The following SAMHD1 variants were observed in gnomAD, a reference collection of about 807,000 sequenced individuals.
SAMHD1 encodes SAM and HD domain containing deoxynucleoside triphosphate triphosphohydrolase 1.
SAMHD1 carries 54 observed loss-of-function variants against 79.6 expected under a neutral mutation model. The ratio of observed to expected loss-of-function variants is 0.68; its 90% CI spans 0.55 to 0.85. The LOEUF is 0.85. Among genes scored for constraint, SAMHD1 ranks in the 40% least tolerant of loss-of-function variants. The pLI is 0.00. For synonymous variants in SAMHD1, 260 were observed against 264.1 expected (o/e 0.98, Z 0.15); for missense variants, 663 against 782.7 (o/e 0.85, Z 1.82).
chr20:36,901,995 A>T (rs1159020321), intron 13 of SAMHD1, among the ~76,000 whole-genome samples: 1 of 152,208 alleles, frequency 6.6e-6, no homozygotes, highest in East Asian at 1.9e-4. Context: ...ATACAGTGAC[A>T]GATGGAGGAA....
At chr20:36,918,964 C>T (rs1293408832) in intron 7 of SAMHD1, among the ~76,000 whole-genome samples, 1 of 151,932 alleles carries the variant, frequency 6.6e-6, no homozygotes, top group Non-Finnish European at 1.5e-5. Context: ...GACAAAACCC[C>T]ATCTCTACAA....
chr20:36,932,343 C>T (rs1324471181), intron 4 of SAMHD1, among the ~76,000 whole-genome samples: 9 of 113,100 alleles, frequency 8.0e-5, no homozygotes, highest in Non-Finnish European at 1.6e-4. Context: ...AAGAGCGAAA[C>T]TCCGTCTCCA....
intron 8 of SAMHD1, 24 bp from the exon 9 acceptor site, chr20:36,916,854 G>A: frequency 6.2e-7 from 1 of 1,603,476 alleles, no homozygotes; most frequent in East Asian, 2.2e-5. Context: ...AAAACAGAGA[G>A]ATGAAATTTT....
At chr20:36,949,734 C>T (rs1187045747) in intron 1 of SAMHD1, among the ~76,000 whole-genome samples, 3 of 120,268 alleles carry the variant, frequency 2.5e-5, no homozygotes, top group Admixed American at 2.2e-4. Context: ...TCCAGCCTGG[C>T]GACAGAGCGA....
chr20:36,924,397 GAGAGAC>G lies in SAMHD1; in HGVS notation c.696+2779_696+2784del, dbSNP rs1482947790. ...AGAAAGAAAGTGAGAAAGAGAAAAA[GAGAGAC>G]AGAGACAGAAGGGAGAGAAAAGAAA... On this transcript the variant is annotated intron_variant, in intron 6 of 15. Transcript: ENST00000646673. Among the ~76,000 whole-genome samples the G allele has an allele frequency of 2.7e-5, 4 of 147,818 alleles. No individual in the cohort carries two copies. In the East Asian group the frequency reaches 5.8e-4, roughly 21 times the overall value.
At chr20:36,918,262 T>C (rs2063486644) in intron 7 of SAMHD1, among the ~76,000 whole-genome samples, 1 of 152,024 alleles carries the variant, frequency 6.6e-6, no homozygotes. Context: ...AATATGTTCA[T>C]TTTAATGGTT....
chr20:36,906,745 A>C (rs1163872400), intron 11 of SAMHD1, among the ~76,000 whole-genome samples: 1 of 151,474 alleles, frequency 6.6e-6, no homozygotes, highest in Non-Finnish European at 1.5e-5. Context: ...AAATTCAACA[A>C]TTGTTAATGT....
intron 2 of SAMHD1, among the ~76,000 whole-genome samples, chr20:36,945,452 T>C (rs1568784601): frequency 6.6e-6 from 1 of 152,164 alleles, no homozygotes; most frequent in Admixed American, 6.6e-5. Flanking sequence ...GGTGTAGCCT[T>C]GATTTTCTTA....
rs553109214 is a variant in SAMHD1, at chr20:36,941,593, G to C, written c.276-482C>G. Among the ~76,000 whole-genome samples, 40 of 152,216 alleles carry C rather than the reference G, an allele frequency of 2.6e-4. 1 individual carries two copies. Among genetic ancestry groups the C allele is most frequent in the African/African-American group, 9.6e-4 (40 of 41,546 alleles). ...CTCCAGTTTCAAGAAAATACATAAT[G>C]GGAATTAAATTTGAGCAGCTCGAAG... is the stretch of plus-strand genomic sequence containing the variant. On this transcript the variant is annotated intron_variant, in intron 2 of 15. Coordinates refer to ENST00000646673, the MANE Select transcript of SAMHD1 (RefSeq NM_015474.4).
At chr20:36,912,751 ATTTTTTTTT>A (rs66970329) in intron 9 of SAMHD1, among the ~76,000 whole-genome samples, 199 bp from the exon 10 acceptor site, 13 of 107,058 alleles carry the variant, frequency 1.2e-4, no homozygotes, top group African/African-American at 3.1e-4. Context: ...TGCAACTTTC[ATTTTTTTTT>A]TTTTTTTTTT....
chr20:36,934,324 G>A (rs1335786374), intron 4 of SAMHD1, among the ~76,000 whole-genome samples: 1 of 151,618 alleles, frequency 6.6e-6, no homozygotes, highest in Non-Finnish European at 1.5e-5. Context: ...AGGAGATCAA[G>A]ACCAGCCTGG....
chr20:36,907,070 G>A (rs1474001256), intron 11 of SAMHD1, among the ~76,000 whole-genome samples: 1 of 151,128 alleles, frequency 6.6e-6, no homozygotes, highest in Non-Finnish European at 1.5e-5. Context: ...GGGATTCCAG[G>A]TATGAGCCAC....
chr20:36,927,307 CT>C (rs1176350979), intron 5 of SAMHD1, 55 bp from the exon 6 acceptor site: 25 of 1,132,860 alleles, frequency 2.2e-5, no homozygotes, highest in Non-Finnish European at 2.8e-5. Flanking sequence ...CCAACAAAAA[CT>C]TTTTCCTTTT....
intron 6 of SAMHD1, among the ~76,000 whole-genome samples, chr20:36,921,869 A>T (rs2063507960): frequency 6.6e-6 from 1 of 152,084 alleles, no homozygotes; most frequent in South Asian, 2.1e-4. Flanking sequence ...TTATATTTTT[A>T]GTAGAGACAG....
chr20:36,935,000 G>T, intron 4 of SAMHD1, 29 bp downstream of exon 4: 1 of 1,609,730 alleles, frequency 6.2e-7, no homozygotes, highest in Non-Finnish European at 8.5e-7. Flanking sequence ...CTTAAAAACT[G>T]CAAGTTCCCC....
intron 2 of SAMHD1, among the ~76,000 whole-genome samples, chr20:36,942,113 A>G (rs1040613752): frequency 7.9e-5 from 12 of 152,300 alleles, no homozygotes; most frequent in Middle Eastern, 3.4e-3. Context: ...TTTGGTATTC[A>G]TCGCTTAAAA....
intron 6 of SAMHD1, among the ~76,000 whole-genome samples, chr20:36,920,430 C>A (rs996602621): frequency 7.9e-5 from 12 of 152,064 alleles, no homozygotes; most frequent in African/African-American, 2.2e-4. Flanking sequence ...CCCGCCCCCG[C>A]AGAAACAATT....
At chr20:36,928,670 G>A (rs1185162374) in intron 5 of SAMHD1, among the ~76,000 whole-genome samples, 1 of 151,316 alleles carries the variant, frequency 6.6e-6, no homozygotes, top group Non-Finnish European at 1.5e-5. Flanking sequence ...GGGCAACAGA[G>A]CGAGATTCTG....
intron 6 of SAMHD1, among the ~76,000 whole-genome samples, chr20:36,922,884 A>C (rs1200251156): frequency 6.6e-6 from 1 of 152,090 alleles, no homozygotes; most frequent in Non-Finnish European, 1.5e-5. Flanking sequence ...CCTGGGCTCA[A>C]GCGATCTGCC....
Sources: gnomAD v4.1 joint callset for allele counts (sites outside exome capture counted in the v4.1 genomes callset) on GRCh38, gnomAD v4.1.1 for gene constraint, MANE v1.5 for transcripts, NCBI Gene and HGNC (gene_info 2026-07-23, HGNC 2026-07-21) for gene names.